DNAH17: variants seen among roughly 807,000 people sequenced by gnomAD.
The protein encoded by DNAH17 is axonemal beta dynein heavy chain 17.
DNAH17 carries 376 observed loss-of-function variants against 485.6 expected under a neutral mutation model. The observed-to-expected ratio is 0.77, with a 90% CI of 0.71 to 0.84. The LOEUF (loss-of-function observed/expected upper bound fraction) is 0.84, where lower values mean the gene tolerates loss of function less well. DNAH17 is among the 40% of genes least tolerant of loss of function. The pLI is 0.00. For synonymous variants in DNAH17, 3,031 were observed against 2,405.9 expected (o/e 1.26, Z -7.60); for missense variants, 6,370 against 5,839.3 (o/e 1.09, Z -2.96).
In DNAH17 at chr17:78,479,534, G is replaced by T; in HGVS notation, c.7851C>A (p.Val2617=). 1 of 1,613,590 alleles carries T rather than the reference G, an allele frequency of 6.2e-7. No homozygotes were observed. The highest frequency in any genetic ancestry group is 8.5e-7 in the Non-Finnish European group (1 of 1,179,884). The change falls in exon 50 of 81, where the codon GTC becomes GTA. Residue 2617 remains valine (V), a synonymous_variant. Coordinates refer to ENST00000389840, the MANE Select transcript of DNAH17 (RefSeq NM_173628.4). ...TGCTTATCCTCTGGATAGCCATGGA[G>T]ACCGAGCGGAAGGCCAGGTGCTGCG... ...ILTQHLAFRS[V]SMAIQRISSQ...
At position 78,561,939 on chromosome 17, in the gene DNAH17, A is replaced by C; in HGVS notation, c.1611T>G (p.Ile537Met). 6.2e-7 allele frequency: 1 copy of C among 1,612,942 alleles called. No individual in the cohort carries two copies. The highest frequency in any genetic ancestry group is 2.2e-5 in the East Asian group (1 of 44,866). ...AATACCTGGGCGCCACCTCGGCAAG[A>C]ATCAGGGGCCGCTCCATGAGGCCCC... is the stretch of plus-strand genomic sequence containing the variant. ...MCGGLMERPL[I>M]LAEVAPRYSV... is the part of the protein sequence containing the mutation. Residue 537 changes from isoleucine to methionine, a missense_variant, in exon 12 of 81, where the codon ATT becomes ATG. Physicochemically the swap from Ile to Met is conservative, Grantham distance 10. Coordinates refer to ENST00000389840, the MANE Select transcript of DNAH17 (RefSeq NM_173628.4).
Position 78,502,632 on chromosome 17 carries a change from C to A in DNAH17, c.5149G>T (p.Glu1717Ter). ...TCTCTGATAGCGTTTTCATAGCCTT[C>A]CTCCAGCCTGGCAAATGCCAGGCCC... ...EVGLAFARLE[E>*]GYENAIRDYN... The change falls in exon 33 of 81, where the codon GAA becomes TAA. Residue 1717 changes from glutamate to a stop codon, truncating the protein, a stop_gained. Coordinates refer to ENST00000389840, the MANE Select transcript of DNAH17 (RefSeq NM_173628.4). LOFTEE classifies it high-confidence loss of function. 6.2e-7 allele frequency: 1 copy of A among 1,613,330 alleles called. No individual in the cohort carries two copies. The highest frequency in any genetic ancestry group is 8.5e-7 in the Non-Finnish European group (1 of 1,179,876).
intron 50 of DNAH17, 80 bp downstream of exon 50, chr17:78,479,405 A>T: frequency 6.9e-7 from 1 of 1,442,846 alleles, no homozygotes; most frequent in Non-Finnish European, 9.2e-7. Flanking sequence ...AATATTTATC[A>T]AGGGAAAATG....
In DNAH17 at chr17:78,516,691, GAAAA is replaced by G. The variant is rs1168693263; in HGVS notation, c.3865-1673_3865-1670del. On this transcript the variant is annotated intron_variant, in intron 25 of 80. Coordinates refer to ENST00000389840, the MANE Select transcript of DNAH17 (RefSeq NM_173628.4). Reference sequence around the variant, plus strand: ...GGCCACAGAGCAAGACTCCATCTCAGAAAAAAAAAAAAAAAAAAAAAGAGAGAGA... The same window carrying G: ...GGCCACAGAGCAAGACTCCATCTCAGAAAAAAAAAAAAAAAAAGAGAGAGA... 8.5e-3 allele frequency among the ~76,000 whole-genome samples: 753 copies of G among 88,696 alleles called. 10 individuals carry two copies. The highest frequency in any genetic ancestry group is 0.031 in the African/African-American group (698 of 22,428). The allele number at this position is 88,696 out of a possible 152,430, so 58.2% of individuals were successfully genotyped here. A position where few individuals can be genotyped will look rare whatever the true frequency, so the allele number is the denominator to read the frequency against.
At chr17:78,461,127 G>A (rs2088101515) in intron 58 of DNAH17, among the ~76,000 whole-genome samples, 1 of 151,944 alleles carries the variant, frequency 6.6e-6, no homozygotes, top group Non-Finnish European at 1.5e-5. Flanking sequence ...TCTCGGGGGG[G>A]GCCCGGAGCC....
At chr17:78,448,847 C>G (rs2087425849) in intron 69 of DNAH17, among the ~76,000 whole-genome samples, 1 of 152,142 alleles carries the variant, frequency 6.6e-6, no homozygotes, top group Non-Finnish European at 1.5e-5. Flanking sequence ...TTGCCAGATG[C>G]CAGCACTTTC....
chr17:78,439,492 A>G (rs1017389171), intron 72 of DNAH17, among the ~76,000 whole-genome samples: 3 of 151,764 alleles, frequency 2.0e-5, no homozygotes, highest in East Asian at 1.9e-4. Flanking sequence ...GTCGCTCCCA[A>G]TCTCCTCCAG....
chr17:78,427,966 C>CAAA (rs55900135), intron 77 of DNAH17, among the ~76,000 whole-genome samples: 3 of 98,212 alleles, frequency 3.1e-5, no homozygotes, highest in East Asian at 3.3e-4. Context: ...AACTCCGTCT[C>CAAA]AAAAAAAAAA....
intron 16 of DNAH17, among the ~76,000 whole-genome samples, chr17:78,551,070 C>A (rs1304328641): frequency 6.6e-6 from 1 of 151,976 alleles, no homozygotes; most frequent in Non-Finnish European, 1.5e-5. Context: ...AAAACAAAAA[C>A]AAAAACAAAA....
chr17:78,458,100 A>C (rs935955942), intron 62 of DNAH17, among the ~76,000 whole-genome samples: 16 of 152,224 alleles, frequency 1.1e-4, no homozygotes, highest in Non-Finnish European at 1.9e-4. Context: ...CACTGTGCCC[A>C]GCCAGCCTCT....
At position 78,566,682 on chromosome 17, in the gene DNAH17, C is replaced by G; in HGVS notation, c.1501G>C (p.Asp501His). 6.2e-7 allele frequency: 1 copy of G among 1,610,670 alleles called. No homozygotes were observed. The highest frequency in any genetic ancestry group is 8.5e-7 in the Non-Finnish European group (1 of 1,178,506). ...CAAAAGATCGTGGCCAGCCTCCTAT[C>G]CAGGTCTTGGATTTTGATCTCAAAA... ...ADFEIKIQDL[D>H]RRLATIFCQG... Residue 501 changes from aspartate to histidine, a missense_variant, in exon 11 of 81, where the codon GAT (aspartate) becomes CAT (histidine). Asp to His is a moderately conservative substitution (Grantham distance 81). Coordinates refer to ENST00000389840, the MANE Select transcript of DNAH17 (RefSeq NM_173628.4).
chr17:78,441,574 A>T (rs2087078102), intron 71 of DNAH17, among the ~76,000 whole-genome samples: 1 of 152,256 alleles, frequency 6.6e-6, no homozygotes, highest in South Asian at 2.1e-4. Flanking sequence ...CAAAGAAAAA[A>T]GCAACTTCAG....
At chr17:78,433,946 AGGG>A (rs367838131) in intron 75 of DNAH17, 80 bp downstream of exon 75, 1,207 of 947,540 alleles carry the variant, frequency 1.3e-3, no homozygotes, top group Middle Eastern at 2.4e-3. Context: ...GGAAGGAGGG[AGGG>A]AAGGAGGGAG....
chr17:78,512,191 G>A (rs1322087634), intron 26 of DNAH17, among the ~76,000 whole-genome samples: 1 of 152,226 alleles, frequency 6.6e-6, no homozygotes, highest in Non-Finnish European at 1.5e-5. Flanking sequence ...GATCTCTTGG[G>A]AAGCCGTGGG....
intron 75 of DNAH17, among the ~76,000 whole-genome samples, chr17:78,429,960 G>A (rs1044252092): frequency 4.6e-5 from 7 of 152,192 alleles, no homozygotes; most frequent in African/African-American, 1.2e-4. Flanking sequence ...AGGCTGCCCG[G>A]GCCTTAGGGA....
In DNAH17 at chr17:78,560,929, C is replaced by A. The variant is rs1410936057; in HGVS notation, c.1842G>T (p.Met614Ile). ...KHLKHVEHPV[M>I]SGAEAKLTYQ... ...AGGTCAGCTTGGCCTCTGCTCCAGA[C>A]ATGACCCTGGAATCAGAGCGGGAAG... The change falls in exon 13 of 81, where the codon ATG becomes ATT. Residue 614 changes from methionine to isoleucine, a missense_variant. Physicochemically the swap from Met to Ile is conservative, Grantham distance 10. Transcript: ENST00000389840. 1.3e-6 allele frequency: 2 copies of A among 1,548,880 alleles called. No individual in the cohort carries two copies. The highest frequency in any genetic ancestry group is 1.7e-6 in the Non-Finnish European group (2 of 1,146,840).
chr17:78,445,520 G>A, intron 70 of DNAH17, 38 bp downstream of exon 70: 1 of 1,551,412 alleles, frequency 6.4e-7, no homozygotes, highest in African/African-American at 1.4e-5. Context: ...CTCCACGGCG[G>A]GGAGAAAGCA....
In DNAH17 at chr17:78,461,712, G is replaced by A; in HGVS notation, c.9175-4C>T. The A allele has an allele frequency of 1.2e-6, 2 of 1,608,518 alleles. No individual in the cohort carries two copies. The highest frequency in any genetic ancestry group is 1.1e-5 in the South Asian group (1 of 90,364). ...ACTTGGCTTTCAAATCATCCACCTG[G>A]GGAAGGAGAAACCGAGAAACAGCAA... On this transcript the variant is annotated splice_region_variant and splice_polypyrimidine_tract_variant and intron_variant, in intron 57 of 80. Coordinates refer to ENST00000389840, the MANE Select transcript of DNAH17 (RefSeq NM_173628.4).
intron 17 of DNAH17, among the ~76,000 whole-genome samples, chr17:78,541,403 G>C (rs973677942): frequency 1.3e-5 from 2 of 150,160 alleles, no homozygotes; most frequent in African/African-American, 5.0e-5. Context: ...ATGGATGGGT[G>C]GATGGTTGGA....
Sources: gnomAD v4.1 joint callset for allele counts (sites outside exome capture counted in the v4.1 genomes callset) on GRCh38, gnomAD v4.1.1 for gene constraint, MANE v1.5 for transcripts, NCBI Gene and HGNC (gene_info 2026-07-23, HGNC 2026-07-21) for gene names.